KCNK9: variants seen among roughly 807,000 people sequenced by gnomAD.
KCNK9 encodes the protein potassium channel subfamily K member 9.
KCNK9 carries 1 observed loss-of-function variant against 10.8 expected under a neutral mutation model. That is an observed-to-expected ratio of 0.09 (90% CI 0.03 to 0.44). The LOEUF (loss-of-function observed/expected upper bound fraction) is 0.44. Among genes scored for constraint, KCNK9 ranks in the 20% least tolerant of loss-of-function variants. KCNK9 has a pLI of 0.97. For missense variants in KCNK9, 303 were observed against 515.0 expected, an observed-to-expected ratio of 0.59 and a Z score of 3.98; for synonymous variants, 231 against 222.7, an observed-to-expected ratio of 1.04 and a Z score of -0.33.
In KCNK9 at chr8:139,637,061, G is replaced by A. The variant is rs184016840; in HGVS notation, c.284-17962C>T. 1.1e-4 allele frequency among the ~76,000 whole-genome samples: 17 copies of A among 152,390 alleles called. No individual in the cohort carries two copies. In the East Asian group the frequency reaches 3.3e-3, roughly 29 times the overall value. The stretch of plus-strand genomic sequence containing the variant: ...AGACAAAAAGGAAAAATGGGAATAG[G>A]AGATTCAAAGGAGGCTTTGGAAAGC... On this transcript the variant is annotated intron_variant, in intron 1 of 1. Transcript: ENST00000520439.
At position 139,617,854 on chromosome 8, in the gene KCNK9, G is replaced by A. The variant is rs936143199; in HGVS notation, c.*404C>T. 3.3e-5 allele frequency among the ~76,000 whole-genome samples: 5 copies of A among 152,124 alleles called. No homozygotes were observed. The highest frequency in any genetic ancestry group is 2.0e-4 in the Admixed American group (3 of 15,264). ...GTCAGAGACACCACTAAGGGTAGGC[G>A]ATTGAAGGCTGAGCGTGATGTGCAG... On this transcript the variant is annotated 3_prime_UTR_variant, in exon 2 of 2. Transcript: ENST00000520439.
chr8:139,666,435 G>A lies in KCNK9; in HGVS notation c.283+36275C>T, dbSNP rs550782710. On this transcript the variant is annotated intron_variant, in intron 1 of 1. Transcript: ENST00000520439. Reference sequence around the variant, plus strand: ...GGAGCCTCTCGGGTTTAAATGAGTCGGCCGTCCGGTGGCACTCTCTAAAGT... The same window carrying A: ...GGAGCCTCTCGGGTTTAAATGAGTCAGCCGTCCGGTGGCACTCTCTAAAGT... Among the ~76,000 whole-genome samples, 12 of 152,246 alleles carry A rather than the reference G, an allele frequency of 7.9e-5. No individual in the cohort carries two copies. The East Asian group carries it at 2.1e-3, about 27-fold the overall frequency.
intron 1 of KCNK9, among the ~76,000 whole-genome samples, chr8:139,675,674 G>T (rs867304868): frequency 1.3e-5 from 2 of 152,102 alleles, no homozygotes; most frequent in Admixed American, 1.3e-4. Flanking sequence ...ATAGCAGCCC[G>T]AAATAAGACA....
intron 1 of KCNK9, among the ~76,000 whole-genome samples, chr8:139,660,736 A>G (rs1311071431): frequency 3.9e-5 from 6 of 152,152 alleles, no homozygotes; most frequent in Admixed American, 3.9e-4. Flanking sequence ...TCATTAAAGG[A>G]CTTAGCCCAG....
At chr8:139,626,183 C>T (rs1445061233) in intron 1 of KCNK9, among the ~76,000 whole-genome samples, 3 of 152,208 alleles carry the variant, frequency 2.0e-5, no homozygotes, top group Non-Finnish European at 4.4e-5. Flanking sequence ...CACTCCAGCG[C>T]TCAAGAGCTG....
At chr8:139,646,040 G>A (rs367574925) in intron 1 of KCNK9, among the ~76,000 whole-genome samples, 1 of 152,162 alleles carries the variant, frequency 6.6e-6, no homozygotes, top group African/African-American at 2.4e-5. Flanking sequence ...CCCAGGGTCC[G>A]TGCTCTCTGG....
chr8:139,602,566 C>T (rs942368818), intron 2 of KCNK9, among the ~76,000 whole-genome samples: 17 of 152,278 alleles, frequency 1.1e-4, no homozygotes, highest in East Asian at 5.8e-4. Flanking sequence ...CACGCAATGC[C>T]TACCACACGA....
chr8:139,697,547 T>C (rs1316565199), intron 1 of KCNK9, among the ~76,000 whole-genome samples: 1 of 151,882 alleles, frequency 6.6e-6, no homozygotes, highest in East Asian at 1.9e-4. Context: ...ACATTGTGAA[T>C]GGAGAGATGG....
chr8:139,692,287 C>A (rs548194062), intron 1 of KCNK9, among the ~76,000 whole-genome samples: 1 of 152,292 alleles, frequency 6.6e-6, no homozygotes, highest in East Asian at 1.9e-4. Context: ...AACACGATCC[C>A]TAAATAATCC....
chr8:139,631,203 T>G (rs73724467), intron 1 of KCNK9, among the ~76,000 whole-genome samples: 12 of 152,248 alleles, frequency 7.9e-5, no homozygotes, highest in African/African-American at 2.9e-4. Context: ...ATGAATGTTT[T>G]CTCAGAAGCT....
chr8:139,674,911 C>T (rs112120962), intron 1 of KCNK9, among the ~76,000 whole-genome samples: 3 of 152,108 alleles, frequency 2.0e-5, no homozygotes, highest in Admixed American at 6.5e-5. Flanking sequence ...TTCCTCCCCC[C>T]GAAGCCTTCC....
chr8:139,669,433 C>A (rs556307446), intron 1 of KCNK9, among the ~76,000 whole-genome samples: 142 of 152,352 alleles, frequency 9.3e-4, no homozygotes, highest in South Asian at 6.8e-3. Flanking sequence ...ATGGAATATT[C>A]TAAATCCCTT....
Position 139,689,204 on chromosome 8 carries a change from G to T in KCNK9, c.283+13506C>A, listed in dbSNP as rs184684847. On this transcript the variant is annotated intron_variant, in intron 1 of 1. Coordinates refer to ENST00000520439, the MANE Select transcript of KCNK9 (RefSeq NM_001282534.2). ...GGCATGAAGAACTGTGAGAAAAAAA[G>T]TATTTTCTGCTGCTTAAGTCACCCT... 4.7e-4 allele frequency among the ~76,000 whole-genome samples: 72 copies of T among 152,308 alleles called. 1 individual carries two copies. Among genetic ancestry groups the T allele is most frequent in the African/African-American group, 1.6e-3 (68 of 41,574 alleles).
chr8:139,678,219 A>G (rs1401973497), intron 1 of KCNK9, among the ~76,000 whole-genome samples: 2 of 152,244 alleles, frequency 1.3e-5, no homozygotes, highest in African/African-American at 4.8e-5. Flanking sequence ...ATTCTGCCCA[A>G]GGTGCAGGCT....
intron 1 of KCNK9, among the ~76,000 whole-genome samples, chr8:139,665,096 T>C (rs3824280): frequency 0.5 from 75,325 of 152,062 alleles, 23,751 homozygotes; most frequent in African/African-American, 0.87. Flanking sequence ...CAAATTGCCA[T>C]GAACTCGGTG....
At chr8:139,700,706 A>G (rs1429387812) in intron 1 of KCNK9, among the ~76,000 whole-genome samples, 1 of 152,094 alleles carries the variant, frequency 6.6e-6, no homozygotes, top group Non-Finnish European at 1.5e-5. Flanking sequence ...GACACCCTCC[A>G]TTTAGCTACA....
intron 1 of KCNK9, among the ~76,000 whole-genome samples, chr8:139,660,665 T>A (rs1216006194): frequency 6.6e-6 from 1 of 151,924 alleles, no homozygotes; most frequent in East Asian, 1.9e-4. Context: ...AAAACTGACA[T>A]AGATGTGTTT....
chr8:139,657,428 C>T (rs981398479), intron 1 of KCNK9, among the ~76,000 whole-genome samples: 6 of 152,152 alleles, frequency 3.9e-5, no homozygotes, highest in Admixed American at 2.0e-4. Flanking sequence ...TCAGGTCTCC[C>T]GGCCAGAGCA....
chr8:139,610,283 T>TG (rs752582130), downstream of KCNK9, among the ~76,000 whole-genome samples: 36 of 152,220 alleles, frequency 2.4e-4, no homozygotes, highest in Admixed American at 5.9e-4. Context: ...TCTCATCTCC[T>TG]GGGGGGTGAG....
Sources: gnomAD v4.1 joint callset for allele counts (sites outside exome capture counted in the v4.1 genomes callset) on GRCh38, gnomAD v4.1.1 for gene constraint, MANE v1.5 for transcripts, NCBI Gene and HGNC (gene_info 2026-07-23, HGNC 2026-07-21) for gene names.